SRP54: variants seen among roughly 807,000 people sequenced by gnomAD.
SRP54 encodes signal recognition particle 54.
SRP54 carries 10 observed loss-of-function variants against 64.8 expected under a neutral mutation model. That is an observed-to-expected ratio of 0.15 (90% CI 0.10 to 0.26). SRP54 has a LOEUF of 0.26. Among genes scored for constraint, SRP54 ranks in the 10% least tolerant of loss-of-function variants. SRP54 has a pLI of 1.00. For missense variants in SRP54, 325 were observed against 613.7 expected (o/e 0.53, Z 4.97); for synonymous variants, 193 against 185.6 (o/e 1.04, Z -0.32).
At chr14:34,999,519 A>G (rs1465729683) in intron 2 of SRP54, 39 bp from the exon 3 acceptor site, 1 of 1,469,030 alleles carries the variant, frequency 6.8e-7, no homozygotes, top group South Asian at 1.1e-5. Context: ...GAAATGAAAC[A>G]TTGGGTGCTT....
chr14:35,021,411 C>T (rs765125780), intron 13 of SRP54, among the ~76,000 whole-genome samples: 2 of 152,126 alleles, frequency 1.3e-5, no homozygotes, highest in Non-Finnish European at 2.9e-5. Flanking sequence ...CGGTGGATCA[C>T]TTGAGGTCAG....
chr14:34,994,466 C>T (rs1370727234), intron 1 of SRP54, among the ~76,000 whole-genome samples: 2 of 152,120 alleles, frequency 1.3e-5, no homozygotes, highest in African/African-American at 4.8e-5. Context: ...TTGATATTCC[C>T]CAGACCGTGT....
intron 14 of SRP54, among the ~76,000 whole-genome samples, chr14:35,026,426 G>T (rs2044626262): frequency 6.6e-6 from 1 of 151,750 alleles, no homozygotes; most frequent in East Asian, 1.9e-4. Flanking sequence ...TAGAGACAGG[G>T]TTTCCCCATG....
chr14:35,015,203 A>C (rs2044418885), intron 11 of SRP54, among the ~76,000 whole-genome samples: 1 of 152,088 alleles, frequency 6.6e-6, no homozygotes, highest in Non-Finnish European at 1.5e-5. Context: ...CAGCCTCCTG[A>C]GTAGCTGGGA....
chr14:35,028,766 A>G (rs1214497300), intron 15 of SRP54, among the ~76,000 whole-genome samples: 1 of 152,048 alleles, frequency 6.6e-6, no homozygotes, highest in Non-Finnish European at 1.5e-5. Flanking sequence ...TAAGAAAAAA[A>G]TTTTTTGTTT....
chr14:35,012,941 G>T (rs1595003386), intron 8 of SRP54, among the ~76,000 whole-genome samples: 7 of 118,380 alleles, frequency 5.9e-5, no homozygotes, highest in East Asian at 2.5e-4. Context: ...AAATGTTGTA[G>T]TTTTTTTTTT....
intron 11 of SRP54, among the ~76,000 whole-genome samples, chr14:35,016,992 C>G (rs1394927025): frequency 6.6e-6 from 1 of 151,978 alleles, no homozygotes. Flanking sequence ...TTAGCTGGGA[C>G]TACAGGCATG....
At chr14:34,989,139 A>C (rs1157538761) in intron 1 of SRP54, among the ~76,000 whole-genome samples, 1 of 152,176 alleles carries the variant, frequency 6.6e-6, no homozygotes, top group African/African-American at 2.4e-5. Context: ...ATGTAGAAGT[A>C]ATTTTTCTAA....
chr14:35,007,544 AAT>A (rs1165429649), intron 5 of SRP54, among the ~76,000 whole-genome samples, 157 bp downstream of exon 5: 2 of 146,890 alleles, frequency 1.4e-5, no homozygotes, highest in Non-Finnish European at 1.5e-5. Context: ...TATTATAAAT[AAT>A]GTTATTTTAT....
intron 15 of SRP54, 136 bp from the exon 16 acceptor site, chr14:35,028,925 T>A: frequency 1.6e-6 from 1 of 637,684 alleles, no homozygotes; most frequent in Non-Finnish European, 2.7e-6. Flanking sequence ...AGGTGGTACG[T>A]TCTTTAAGGC....
intron 1 of SRP54, among the ~76,000 whole-genome samples, chr14:34,984,106 G>A (rs962092994): frequency 2.0e-5 from 3 of 152,076 alleles, no homozygotes; most frequent in Non-Finnish European, 2.9e-5. Context: ...CCCTCAAATC[G>A]CTTTTTCTCA....
chr14:34,999,126 T>C (rs2044131471), intron 2 of SRP54, among the ~76,000 whole-genome samples: 1 of 150,198 alleles, frequency 6.7e-6, no homozygotes, highest in Admixed American at 6.7e-5. Flanking sequence ...GTGATTCTCC[T>C]GCCTCAGCCT....
At chr14:35,021,772 T>C (rs2044534646) in intron 13 of SRP54, among the ~76,000 whole-genome samples, 1 of 152,222 alleles carries the variant, frequency 6.6e-6, no homozygotes, top group Admixed American at 6.5e-5. Context: ...TATAACAGAA[T>C]GGCATAGACA....
chr14:35,015,087 T>C (rs562511210), intron 11 of SRP54, among the ~76,000 whole-genome samples: 1 of 152,296 alleles, frequency 6.6e-6, no homozygotes, highest in African/African-American at 2.4e-5. Flanking sequence ...GAAGTTTTTC[T>C]GTTTTTTAAG....
At chr14:34,999,344 G>A (rs1197668681) in intron 2 of SRP54, among the ~76,000 whole-genome samples, 3 of 152,018 alleles carry the variant, frequency 2.0e-5, no homozygotes, top group Non-Finnish European at 4.4e-5. Flanking sequence ...GAATAAAATT[G>A]TGGCAATTAA....
chr14:35,002,396 C>T (rs1326773539), intron 4 of SRP54, among the ~76,000 whole-genome samples: 2 of 151,878 alleles, frequency 1.3e-5, no homozygotes, highest in African/African-American at 4.8e-5. Flanking sequence ...GCATTAGATG[C>T]CCACTAGTTC....
intron 7 of SRP54, 42 bp from the exon 8 acceptor site, chr14:35,011,467 A>C (rs2044356933): frequency 7.4e-7 from 1 of 1,358,936 alleles, no homozygotes; most frequent in Non-Finnish European, 9.6e-7. Flanking sequence ...TAGTATTTGG[A>C]AGTTTTGTCG....
chr14:34,983,551 CTA>C (rs1465217264), intron 1 of SRP54, among the ~76,000 whole-genome samples: 2 of 152,170 alleles, frequency 1.3e-5, no homozygotes, highest in Non-Finnish European at 2.9e-5. Context: ...TTTATTTTTC[CTA>C]TGTGTTTGTA....
chr14:35,001,720 T>C (rs2044176630), intron 4 of SRP54, among the ~76,000 whole-genome samples: 1 of 152,216 alleles, frequency 6.6e-6, no homozygotes. Flanking sequence ...GCAAAGACCA[T>C]GTATCCCAAT....
Sources: gnomAD v4.1 joint callset for allele counts (sites outside exome capture counted in the v4.1 genomes callset) on GRCh38, gnomAD v4.1.1 for gene constraint, MANE v1.5 for transcripts, NCBI Gene and HGNC (gene_info 2026-07-23, HGNC 2026-07-21) for gene names.